The following OSBPL6 variants were observed in gnomAD, a reference collection of about 807,000 sequenced individuals.
The protein encoded by OSBPL6 is oxysterol binding protein like 6, also known as oxysterol-binding protein-related protein 6.
Under a neutral mutation model 125.8 loss-of-function variants are expected in OSBPL6, and 49 were observed. The observed-to-expected ratio is 0.39, with a 90% CI of 0.31 to 0.49. OSBPL6 has a LOEUF of 0.49. OSBPL6 is among the 20% of genes least tolerant of loss of function. The pLI is 0.88. For synonymous variants in OSBPL6, 394 were observed against 391.8 expected, an observed-to-expected ratio of 1.01 and a Z score of -0.07; for missense variants, 986 against 1,135.4, an observed-to-expected ratio of 0.87 and a Z score of 1.89.
chr2:178,355,270 A>G (rs769635775), intron 12 of OSBPL6, among the ~76,000 whole-genome samples: 4 of 152,202 alleles, frequency 2.6e-5, no homozygotes, highest in Admixed American at 6.5e-5. Flanking sequence ...GACACAAAAA[A>G]ACCCTTCAAA....
At chr2:178,372,450 A>G (rs904808118) in intron 14 of OSBPL6, among the ~76,000 whole-genome samples, 8 of 151,946 alleles carry the variant, frequency 5.3e-5, no homozygotes, top group African/African-American at 1.9e-4. Context: ...ATTTATTCCT[A>G]TGTTCACCTG....
intron 1 of OSBPL6, among the ~76,000 whole-genome samples, chr2:178,266,171 T>C (rs2092227287): frequency 6.6e-6 from 1 of 152,162 alleles, no homozygotes; most frequent in Admixed American, 6.5e-5. Flanking sequence ...CAGGGGCAGA[T>C]CACACTGAGA....
At chr2:178,383,903 C>A in intron 17 of OSBPL6, 136 bp from the exon 18 acceptor site, 1 of 1,057,782 alleles carries the variant, frequency 9.5e-7, no homozygotes, top group Non-Finnish European at 1.4e-6. Context: ...AAATTCTGTA[C>A]AGACAATAGA....
rs1193791860 is a variant in OSBPL6, at chr2:178,399,743, A to C, written c.*4184A>C. On this transcript the variant is annotated 3_prime_UTR_variant, in exon 25 of 25. Transcript: ENST00000190611. ...AACATAGTGAAAGGCATAGATACAC[A>C]TGTATGTTCTTTTACACTGTGTCAT... 1 of 152,232 alleles carries C rather than the reference A, an allele frequency of 6.6e-6. No individual in the cohort carries two copies. The highest frequency in any genetic ancestry group is 1.5e-5 in the Non-Finnish European group (1 of 68,040). 9.4% of individuals were successfully genotyped at this position (152,232 alleles called of 1,614,324 possible).
intron 1 of OSBPL6, among the ~76,000 whole-genome samples, chr2:178,211,863 A>G (rs1423057181): frequency 6.6e-6 from 1 of 151,882 alleles, no homozygotes; most frequent in African/African-American, 2.4e-5. Context: ...GTGGTTAGGA[A>G]CTCTAACTCT....
chr2:178,353,850 C>T lies in OSBPL6; in HGVS notation c.1153+4461C>T, dbSNP rs546586489. Among the ~76,000 whole-genome samples, 41 of 152,298 alleles carry T rather than the reference C, an allele frequency of 2.7e-4. No individual in the cohort carries two copies. In the South Asian group the frequency reaches 3.5e-3, roughly 13 times the overall value. The stretch of plus-strand genomic sequence containing the variant: ...ATTAAGGGCAGCCCAAGAGAAAGGT[C>T]GGGTTACCCACAAAGGGAAGCCCAT... On this transcript the variant is annotated intron_variant, in intron 12 of 24. Coordinates refer to ENST00000190611, the MANE Select transcript of OSBPL6 (RefSeq NM_032523.4).
intron 1 of OSBPL6, among the ~76,000 whole-genome samples, chr2:178,214,185 C>T (rs981643200): frequency 4.6e-5 from 7 of 152,028 alleles, no homozygotes; most frequent in African/African-American, 1.4e-4. Context: ...GGACAGAAGC[C>T]GTGGCATATG....
At chr2:178,309,529 A>G (rs969068203) in intron 3 of OSBPL6, among the ~76,000 whole-genome samples, 1 of 152,216 alleles carries the variant, frequency 6.6e-6, no homozygotes, top group Admixed American at 6.5e-5. Flanking sequence ...TCCTGTCACT[A>G]CATTAGATAG....
At chr2:178,387,743 G>A (rs1238785392) in intron 20 of OSBPL6, among the ~76,000 whole-genome samples, 2 of 152,146 alleles carry the variant, frequency 1.3e-5, no homozygotes, top group African/African-American at 4.8e-5. Flanking sequence ...GGTGGCTCAC[G>A]CCTGTAATTC....
At chr2:178,349,127 A>C in intron 11 of OSBPL6, 97 bp from the exon 12 acceptor site, 1 of 1,239,212 alleles carries the variant, frequency 8.1e-7, no homozygotes. Context: ...TCAGAGAGGA[A>C]TCTATTATTT....
In OSBPL6 at chr2:178,328,330, G is replaced by A. The variant is rs776348266; in HGVS notation, c.270G>A (p.Glu90=). The change falls in exon 5 of 25, where the codon GAG becomes GAA. Residue 90 remains glutamate, a synonymous_variant. Coordinates refer to ENST00000190611, the MANE Select transcript of OSBPL6 (RefSeq NM_032523.4). ...QTNVQKPDKH[E]GFMLKKRKWP... Reference sequence around the variant, plus strand: ...ATGTCCAGAAACCAGACAAACATGAGGGCTTTATGCTGAAGAAAAGAAAAT... The same window carrying A: ...ATGTCCAGAAACCAGACAAACATGAAGGCTTTATGCTGAAGAAAAGAAAAT... 2 of 1,613,886 alleles carry A rather than the reference G, an allele frequency of 1.2e-6. No homozygotes were observed. The highest frequency in any genetic ancestry group is 2.2e-5 in the South Asian group (2 of 91,074).
In OSBPL6 at chr2:178,349,211, C is replaced by T; in HGVS notation, c.988-13C>T. 6.2e-7 allele frequency: 1 copy of T among 1,613,214 alleles called. No homozygotes were observed. The highest frequency in any genetic ancestry group is 8.5e-7 in the Non-Finnish European group (1 of 1,179,224). ...ACTGTTGCTGTTTAATAATTTGTAT[C>T]TTCCCCTTTCAGGTTCCTTTCAGTG... is the stretch of plus-strand genomic sequence containing the variant. On this transcript the variant is annotated splice_polypyrimidine_tract_variant and intron_variant, in intron 11 of 24. Coordinates refer to ENST00000190611, the MANE Select transcript of OSBPL6 (RefSeq NM_032523.4).
intron 1 of OSBPL6, among the ~76,000 whole-genome samples, chr2:178,242,464 G>A (rs146029234): frequency 2.7e-4 from 41 of 152,190 alleles, no homozygotes; most frequent in African/African-American, 9.6e-4. Context: ...TGTGGATGAC[G>A]TCATCTTTGT....
chr2:178,361,714 A>G lies in OSBPL6; in HGVS notation c.1186A>G (p.Ile396Val), dbSNP rs760859222. ...TCTTTTGAAGTCTGCATTTAATAGC[A>G]TAGCTATAGAGAAGGAGAAGCTGAA... ...HSLLKSAFNS[I>V]AIEKEKLKQM... Residue 396 changes from isoleucine to valine, a missense_variant, in exon 13 of 25, where the codon ATA becomes GTA. This residue lies in a region of OSBPL6 where 843 missense variants were observed against 997.3 expected (regional missense o/e 0.85). Transcript: ENST00000190611. 2 of 1,614,110 alleles carry G rather than the reference A, an allele frequency of 1.2e-6. No homozygotes were observed. The highest frequency in any genetic ancestry group is 8.5e-7 in the Non-Finnish European group (1 of 1,179,960).
chr2:178,229,703 A>T (rs9973904), intron 1 of OSBPL6, among the ~76,000 whole-genome samples: 1 of 152,142 alleles, frequency 6.6e-6, no homozygotes, highest in East Asian at 1.9e-4. Context: ...GGTGGTGTGC[A>T]CCTGTACTCT....
At chr2:178,328,519 ACT>A (rs1198971626) in intron 5 of OSBPL6, 141 bp downstream of exon 5, 2 of 987,288 alleles carry the variant, frequency 2.0e-6, no homozygotes, top group African/African-American at 1.7e-5. Flanking sequence ...ACAGATTCTC[ACT>A]CTGTTACCCA....
chr2:178,350,014 C>T (rs553653303), intron 12 of OSBPL6, among the ~76,000 whole-genome samples: 3 of 152,302 alleles, frequency 2.0e-5, no homozygotes, highest in South Asian at 4.1e-4. Context: ...GGAAGCTGCA[C>T]GTCCTCTTCA....
chr2:178,280,027 G>A (rs1683989862), intron 1 of OSBPL6, among the ~76,000 whole-genome samples: 1 of 151,996 alleles, frequency 6.6e-6, no homozygotes, highest in Non-Finnish European at 1.5e-5. Flanking sequence ...GTGAAACTCT[G>A]CCTCTACTAA....
rs980696028 is a variant in OSBPL6 at position 178,401,193 on chromosome 2, C to G, written c.*5634C>G. The G allele has an allele frequency of 6.6e-6, 1 of 152,196 alleles. No individual in the cohort carries two copies. The highest frequency in any genetic ancestry group is 1.5e-5 in the Non-Finnish European group (1 of 68,030). The allele number at this position is 152,196 out of a possible 1,614,324, so 9.4% of individuals were successfully genotyped here. ...ACTCACTGACAAAGCCGTCGGTATC[C>G]AGAATGACTGCTCTTGAAATGATAT... On this transcript the variant is annotated 3_prime_UTR_variant, in exon 25 of 25. Coordinates refer to ENST00000190611, the MANE Select transcript of OSBPL6 (RefSeq NM_032523.4).
Sources: allele counts gnomAD v4.1 joint callset (sites outside exome capture counted in the v4.1 genomes callset), GRCh38; gene constraint gnomAD v4.1.1; regional missense constraint gnomAD v4.1.1; transcripts MANE v1.5; gene names NCBI Gene and HGNC (gene_info 2026-07-23, HGNC 2026-07-21).